SGCZ: variants seen among roughly 807,000 people sequenced by gnomAD.
SGCZ encodes the protein zeta-sarcoglycan.
In SGCZ, 40 loss-of-function variants were observed where a neutral mutation model predicts 41.3. The ratio of observed to expected loss-of-function variants is 0.97; its 90% CI spans 0.75 to 1.26. SGCZ has a LOEUF of 1.26. Ranked by LOEUF, SGCZ falls within the 50% of genes most tolerant of loss-of-function variation. The pLI, the probability that SGCZ is intolerant of heterozygous loss-of-function variation, is 0.00. For synonymous variants in SGCZ, 206 were observed against 137.5 expected (o/e 1.50, Z -3.49); for missense variants, 552 against 369.8 (o/e 1.49, Z -4.04).
intron 1 of SGCZ, among the ~76,000 whole-genome samples, chr8:14,767,327 G>C (rs534230978): frequency 6.6e-6 from 1 of 152,300 alleles, no homozygotes; most frequent in Non-Finnish European, 1.5e-5. Context: ...ATTTGGCTTA[G>C]TTGTAGACTA....
At chr8:14,195,432 G>C (rs112113203) in intron 4 of SGCZ, among the ~76,000 whole-genome samples, 1 of 152,070 alleles carries the variant, frequency 6.6e-6, no homozygotes, top group Non-Finnish European at 1.5e-5. Flanking sequence ...CTGAGTTCAC[G>C]TACTTAGAAT....
intron 1 of SGCZ, among the ~76,000 whole-genome samples, chr8:14,694,196 G>C (rs1159714624): frequency 6.6e-6 from 1 of 152,060 alleles, no homozygotes; most frequent in Non-Finnish European, 1.5e-5. Flanking sequence ...AACCTTCCTT[G>C]GTATCAAGTA....
chr8:14,645,465 T>A (rs1323131625), intron 1 of SGCZ, among the ~76,000 whole-genome samples: 1 of 120,054 alleles, frequency 8.3e-6, no homozygotes, highest in African/African-American at 2.8e-5. Flanking sequence ...TATCATTGAT[T>A]ATATATATAT....
intron 3 of SGCZ, among the ~76,000 whole-genome samples, chr8:14,275,015 T>C (rs968801519): frequency 1.3e-5 from 2 of 152,130 alleles, no homozygotes; most frequent in Non-Finnish European, 2.9e-5. Flanking sequence ...TCATTCGATA[T>C]TCAGAATTTT....
intron 1 of SGCZ, among the ~76,000 whole-genome samples, chr8:14,833,168 G>A (rs1046079653): frequency 6.6e-6 from 1 of 152,012 alleles, no homozygotes; most frequent in Non-Finnish European, 1.5e-5. Flanking sequence ...AATGTATTCA[G>A]GTTTTGAAAT....
At chr8:14,668,084 G>A (rs796938620) in intron 1 of SGCZ, among the ~76,000 whole-genome samples, 19 of 152,102 alleles carry the variant, frequency 1.2e-4, no homozygotes, top group African/African-American at 4.6e-4. Context: ...AGCCTCCCGA[G>A]TGGCTGGGAT....
chr8:14,383,460 A>T (rs1430572936), intron 2 of SGCZ, among the ~76,000 whole-genome samples: 1 of 152,174 alleles, frequency 6.6e-6, no homozygotes, highest in East Asian at 1.9e-4. Context: ...CAGGCTAATT[A>T]GTTTCATGCT....
intron 2 of SGCZ, among the ~76,000 whole-genome samples, chr8:14,363,102 A>G (rs1803585183): frequency 6.6e-6 from 1 of 152,198 alleles, no homozygotes. Context: ...AAATATTCCT[A>G]ATCTGGGGTC....
At chr8:15,094,113 T>G (rs1192143286) in intron 1 of SGCZ, among the ~76,000 whole-genome samples, 1 of 152,050 alleles carries the variant, frequency 6.6e-6, no homozygotes, top group East Asian at 1.9e-4. Context: ...ATACGGCAGT[T>G]GTTTTATTTA....
intron 1 of SGCZ, among the ~76,000 whole-genome samples, chr8:15,024,740 TC>T (rs943538483): frequency 5.5e-4 from 84 of 151,998 alleles, no homozygotes; most frequent in African/African-American, 1.9e-3. Context: ...ATCGAGACTG[TC>T]CTGGCTAACA....
intron 1 of SGCZ, among the ~76,000 whole-genome samples, chr8:14,785,960 CA>C (rs1209475143): frequency 2.0e-5 from 3 of 146,570 alleles, no homozygotes; most frequent in South Asian, 2.1e-4. Flanking sequence ...AACTTATCTC[CA>C]AAAAAAGTGA....
chr8:15,146,443 G>A (rs1163396779), intron 1 of SGCZ, among the ~76,000 whole-genome samples: 2 of 152,058 alleles, frequency 1.3e-5, no homozygotes, highest in African/African-American at 2.4e-5. Context: ...GAATGATCAT[G>A]GCATACTACA....
chr8:14,745,734 G>C (rs965142825), intron 1 of SGCZ, among the ~76,000 whole-genome samples: 1 of 151,816 alleles, frequency 6.6e-6, no homozygotes, highest in African/African-American at 2.4e-5. Flanking sequence ...GCTACAAGAA[G>C]AAATGACCCA....
intron 1 of SGCZ, among the ~76,000 whole-genome samples, chr8:14,574,387 T>A (rs983453803): frequency 6.6e-6 from 1 of 151,978 alleles, no homozygotes; most frequent in Non-Finnish European, 1.5e-5. Flanking sequence ...AAGCCAGCCA[T>A]AAAGCATAAA....
At chr8:15,171,160 T>G (rs553658492) in intron 1 of SGCZ, among the ~76,000 whole-genome samples, 37 of 152,338 alleles carry the variant, frequency 2.4e-4, no homozygotes, top group Admixed American at 5.2e-4. Flanking sequence ...AGATATAATC[T>G]GCTACCTACT....
chr8:14,354,476 TTAAGGA>T (rs1777181876), intron 2 of SGCZ, among the ~76,000 whole-genome samples: 1 of 151,788 alleles, frequency 6.6e-6, no homozygotes, highest in South Asian at 2.1e-4. Flanking sequence ...CTCTTGTAGA[TTAAGGA>T]TAAGATCTTA....
At chr8:14,623,713 CT>C (rs1806359265) in intron 1 of SGCZ, among the ~76,000 whole-genome samples, 1 of 152,160 alleles carries the variant, frequency 6.6e-6, no homozygotes, top group Non-Finnish European at 1.5e-5. Flanking sequence ...GAGGAAGCTG[CT>C]TGTCTTTCAT....
At chr8:14,551,061 C>A (rs539789745) in intron 2 of SGCZ, among the ~76,000 whole-genome samples, 2 of 151,058 alleles carry the variant, frequency 1.3e-5, no homozygotes, top group African/African-American at 4.8e-5. Context: ...TAACTCACAG[C>A]ATTAATGAAT....
At chr8:14,261,453 T>C (rs190326353) in intron 3 of SGCZ, among the ~76,000 whole-genome samples, 4 of 152,266 alleles carry the variant, frequency 2.6e-5, no homozygotes, top group Middle Eastern at 3.4e-3. Context: ...GTCGAGGTAA[T>C]ATATATCACC....
Sources: gnomAD v4.1 joint callset for allele counts (sites outside exome capture counted in the v4.1 genomes callset) on GRCh38, gnomAD v4.1.1 for gene constraint, MANE v1.5 for transcripts, NCBI Gene and HGNC (gene_info 2026-07-23, HGNC 2026-07-21) for gene names.